ANTXR1: variants seen among roughly 807,000 people sequenced by gnomAD.
The protein encoded by ANTXR1 is ANTXR cell adhesion molecule 1.
A neutral mutation model predicts 78.1 loss-of-function variants in ANTXR1; 19 were observed. The observed-to-expected ratio is 0.24, with a 90% confidence interval of 0.17 to 0.36. The LOEUF (loss-of-function observed/expected upper bound fraction) is 0.36, where lower values mean the gene tolerates loss of function less well. Among genes scored for constraint, ANTXR1 ranks in the 10% least tolerant of loss-of-function variants. The pLI, the probability that ANTXR1 is intolerant of heterozygous loss-of-function variation, is 1.00. For missense variants in ANTXR1, 518 were observed against 718.6 expected (o/e 0.72, Z 3.19); for synonymous variants, 273 against 260.5 (o/e 1.05, Z -0.46).
intron 3 of ANTXR1, among the ~76,000 whole-genome samples, chr2:69,054,711 G>GGAGCTGAATGATTACA (rs1670020709): frequency 6.6e-6 from 1 of 152,142 alleles, no homozygotes; most frequent in Non-Finnish European, 1.5e-5. Context: ...CTTGATTCCT[G>GGAGCTGAATGATTACA]GAGCTGAATG....
At chr2:69,111,104 T>C (rs1671966030) in intron 10 of ANTXR1, among the ~76,000 whole-genome samples, 1 of 152,252 alleles carries the variant, frequency 6.6e-6, no homozygotes, top group Non-Finnish European at 1.5e-5. Flanking sequence ...ACTTAATTTT[T>C]AAATTCTTGC....
At position 69,222,301 on chromosome 2, in the gene ANTXR1, T is replaced by A. The variant is rs936722157; in HGVS notation, c.1435-22924T>A. Among the ~76,000 whole-genome samples the A allele has an allele frequency of 3.9e-5, 6 of 152,218 alleles. No individual in the cohort carries two copies. In the East Asian group the frequency reaches 9.6e-4, roughly 24 times the overall value. Reference sequence around the variant, plus strand: ...ACCCAGTGACAGTGTGATGAGGTAATGTTTTCTAGCAGACCGGCTCAAGAT... The same window carrying A: ...ACCCAGTGACAGTGTGATGAGGTAAAGTTTTCTAGCAGACCGGCTCAAGAT... On this transcript the variant is annotated intron_variant, in intron 17 of 17. Transcript: ENST00000303714.
chr2:69,109,186 T>C (rs1316842107), intron 10 of ANTXR1, among the ~76,000 whole-genome samples: 1 of 152,188 alleles, frequency 6.6e-6, no homozygotes, highest in East Asian at 1.9e-4. Flanking sequence ...CAGGCAGGGC[T>C]TAAAATGGGG....
chr2:69,034,031 C>T (rs887639161), intron 1 of ANTXR1, among the ~76,000 whole-genome samples: 20 of 152,216 alleles, frequency 1.3e-4, no homozygotes, highest in African/African-American at 4.1e-4. Context: ...CTACTCTTTG[C>T]ATATTAGACC....
chr2:69,139,989 G>T (rs1388223252), intron 12 of ANTXR1, among the ~76,000 whole-genome samples: 2 of 152,186 alleles, frequency 1.3e-5, no homozygotes, highest in Non-Finnish European at 2.9e-5. Flanking sequence ...GTACTAACAA[G>T]CTACATCTTG....
intron 5 of ANTXR1, 74 bp from the exon 6 acceptor site, chr2:69,072,948 G>A: frequency 5.5e-6 from 8 of 1,443,970 alleles, no homozygotes; most frequent in Non-Finnish European, 7.8e-6. Flanking sequence ...GTAAGAGGTT[G>A]AATCCTGGGA....
intron 10 of ANTXR1, among the ~76,000 whole-genome samples, chr2:69,106,677 C>G (rs1346264553): frequency 6.6e-6 from 1 of 152,196 alleles, no homozygotes; most frequent in East Asian, 1.9e-4. Context: ...AAGAAACTAG[C>G]CCCAAAATGT....
At chr2:69,243,020 C>T (rs907975107) in intron 17 of ANTXR1, among the ~76,000 whole-genome samples, 2 of 152,200 alleles carry the variant, frequency 1.3e-5, no homozygotes, top group African/African-American at 2.4e-5. Flanking sequence ...ACAGCCTCCC[C>T]GGCTTAGCAC....
intron 1 of ANTXR1, among the ~76,000 whole-genome samples, chr2:69,017,191 C>T (rs907064341): frequency 3.3e-5 from 5 of 152,180 alleles, no homozygotes; most frequent in Admixed American, 2.6e-4. Flanking sequence ...TGGGCCAAAA[C>T]GCAGTGGTGG....
intron 17 of ANTXR1, among the ~76,000 whole-genome samples, chr2:69,240,563 T>C (rs1464470919): frequency 6.6e-6 from 1 of 152,198 alleles, no homozygotes; most frequent in African/African-American, 2.4e-5. Flanking sequence ...GGAGAGTGAA[T>C]TGACCAGACT....
At chr2:69,180,350 T>A (rs539533614) in intron 14 of ANTXR1, among the ~76,000 whole-genome samples, 5 of 152,334 alleles carry the variant, frequency 3.3e-5, no homozygotes, top group African/African-American at 9.6e-5. Context: ...ATCAACCCCT[T>A]TTCCAGCTTC....
At chr2:69,061,670 A>G (rs965168066) in intron 3 of ANTXR1, among the ~76,000 whole-genome samples, 1 of 152,226 alleles carries the variant, frequency 6.6e-6, no homozygotes, top group Non-Finnish European at 1.5e-5. Flanking sequence ...TGAGGAGACA[A>G]GTTTCAAGAA....
At chr2:69,241,926 C>T (rs909727773) in intron 17 of ANTXR1, among the ~76,000 whole-genome samples, 4 of 152,116 alleles carry the variant, frequency 2.6e-5, no homozygotes, top group Non-Finnish European at 5.9e-5. Flanking sequence ...GTATGATTAC[C>T]CCCACTTCAC....
chr2:69,160,148 G>A (rs2104440007), intron 13 of ANTXR1, among the ~76,000 whole-genome samples: 1 of 152,276 alleles, frequency 6.6e-6, no homozygotes, highest in South Asian at 2.1e-4. Context: ...GGCTACAGCT[G>A]ACAAGATTAT....
chr2:69,155,417 T>C (rs2104434136), intron 13 of ANTXR1, among the ~76,000 whole-genome samples: 1 of 152,300 alleles, frequency 6.6e-6, no homozygotes, highest in East Asian at 1.9e-4. Context: ...AAGGGGTTAA[T>C]ATTTTCCCAA....
In ANTXR1 at chr2:69,075,575, C is replaced by A. The variant is rs781780211; in HGVS notation, c.493-15C>A. The stretch of plus-strand genomic sequence containing the variant: ...ACTGCTTCTCTTTCTAATGTCCTTT[C>A]TTTCCTTTTCCCAGGCTAATAGGTC... On this transcript the variant is annotated splice_polypyrimidine_tract_variant and intron_variant, in intron 6 of 17. Coordinates refer to ENST00000303714, the MANE Select transcript of ANTXR1 (RefSeq NM_032208.3). 3.1e-6 allele frequency: 5 copies of A among 1,613,786 alleles called. No individual in the cohort carries two copies. The African/African-American group carries it at 5.3e-5, about 17-fold the overall frequency.
intron 17 of ANTXR1, among the ~76,000 whole-genome samples, chr2:69,194,921 G>T (rs1389896925): frequency 6.6e-6 from 1 of 152,104 alleles, no homozygotes; most frequent in African/African-American, 2.4e-5. Context: ...GGTAATCCCA[G>T]CACTTTGGGA....
At chr2:69,067,322 G>T (rs1481976081) in intron 3 of ANTXR1, among the ~76,000 whole-genome samples, 1 of 136,988 alleles carries the variant, frequency 7.3e-6, no homozygotes, top group Admixed American at 7.4e-5. Context: ...AAAAAAAAAA[G>T]TCAAGAAAAT....
intron 16 of ANTXR1, among the ~76,000 whole-genome samples, chr2:69,192,202 AG>A (rs1343080362): frequency 6.6e-6 from 1 of 152,226 alleles, no homozygotes; most frequent in African/African-American, 2.4e-5. Context: ...AGAAACTTAA[AG>A]GTTTAATCAA....
Sources: allele counts gnomAD v4.1 joint callset (sites outside exome capture counted in the v4.1 genomes callset), GRCh38; gene constraint gnomAD v4.1.1; transcripts MANE v1.5; gene names NCBI Gene and HGNC (gene_info 2026-07-23, HGNC 2026-07-21).